The following UNC5D variants were observed in gnomAD, a reference collection of about 807,000 sequenced individuals.
UNC5D encodes the protein unc-5 netrin receptor D, also known as netrin receptor UNC5D.
UNC5D carries 39 observed loss-of-function variants against 105.4 expected under a neutral mutation model. The observed-to-expected ratio is 0.37, with a 90% CI of 0.29 to 0.48. The LOEUF is 0.48. UNC5D is among the 20% of genes least tolerant of loss of function. UNC5D has a pLI of 0.98. For missense variants in UNC5D, 991 were observed against 1,202.4 expected (o/e 0.82, Z 2.60); for synonymous variants, 452 against 450.4 (o/e 1.00, Z -0.04).
intron 1 of UNC5D, among the ~76,000 whole-genome samples, chr8:35,285,865 A>C (rs1054619033): frequency 6.6e-6 from 1 of 152,330 alleles, no homozygotes; most frequent in Non-Finnish European, 1.5e-5. Context: ...TGGACTTTGT[A>C]GTCGAGTGAG....
chr8:35,413,292 T>TGTGTGTG (rs56157732), intron 1 of UNC5D, among the ~76,000 whole-genome samples: 63 of 128,042 alleles, frequency 4.9e-4, no homozygotes, highest in African/African-American at 1.7e-3. Context: ...TGTGTGTGTG[T>TGTGTGTG]TGTGTGTGTG....
At chr8:35,628,745 T>C (rs1372006394) in intron 4 of UNC5D, among the ~76,000 whole-genome samples, 1 of 152,176 alleles carries the variant, frequency 6.6e-6, no homozygotes, top group Non-Finnish European at 1.5e-5. Flanking sequence ...CTTGTTAGCA[T>C]AGACACTCTG....
chr8:35,638,577 T>C (rs1355040230), intron 4 of UNC5D, among the ~76,000 whole-genome samples: 1 of 152,002 alleles, frequency 6.6e-6, no homozygotes, highest in Non-Finnish European at 1.5e-5. Context: ...GGAGGAATGC[T>C]TGAGGCCAGG....
At chr8:35,772,598 C>T (rs1290901681) in intron 15 of UNC5D, among the ~76,000 whole-genome samples, 3 of 152,144 alleles carry the variant, frequency 2.0e-5, no homozygotes, top group Non-Finnish European at 4.4e-5. Context: ...AGACAAAGGA[C>T]AGCTTCTTGG....
chr8:35,568,010 A>G, intron 2 of UNC5D, 88 bp from the exon 3 acceptor site: 2 of 1,535,590 alleles, frequency 1.3e-6, no homozygotes, highest in Admixed American at 2.1e-5. Flanking sequence ...TTGTTTAATT[A>G]AAAAGAAAAG....
intron 7 of UNC5D, among the ~76,000 whole-genome samples, chr8:35,687,637 G>A (rs1212715223): frequency 6.6e-6 from 1 of 152,002 alleles, no homozygotes; most frequent in Non-Finnish European, 1.5e-5. Context: ...AGGCATGGGA[G>A]GGTCAACTAG....
intron 1 of UNC5D, among the ~76,000 whole-genome samples, chr8:35,453,221 C>T (rs1022115576): frequency 4.6e-5 from 7 of 151,988 alleles, no homozygotes; most frequent in African/African-American, 1.5e-4. Context: ...TTTCTAGGAC[C>T]GAGAATAGTG....
intron 8 of UNC5D, 26 bp downstream of exon 8, chr8:35,705,987 A>C: frequency 7.7e-7 from 1 of 1,292,308 alleles, no homozygotes; most frequent in Non-Finnish European, 1.1e-6. Flanking sequence ...TCTTGTGAAT[A>C]TAATTTATTC....
At chr8:35,713,702 G>A (rs1382676738) in intron 8 of UNC5D, among the ~76,000 whole-genome samples, 3 of 152,064 alleles carry the variant, frequency 2.0e-5, no homozygotes, top group Non-Finnish European at 4.4e-5. Flanking sequence ...TAAAATAGAC[G>A]ACCTTTGTTG....
At chr8:35,625,580 T>C (rs531919432) in intron 4 of UNC5D, among the ~76,000 whole-genome samples, 27 of 152,346 alleles carry the variant, frequency 1.8e-4, no homozygotes, top group African/African-American at 6.3e-4. Flanking sequence ...TGCTATATTG[T>C]AATAAAACAA....
intron 1 of UNC5D, among the ~76,000 whole-genome samples, chr8:35,382,395 A>G (rs1167900011): frequency 1.3e-5 from 2 of 152,190 alleles, no homozygotes; most frequent in East Asian, 3.8e-4. Flanking sequence ...GAATTGCCTC[A>G]AGTCATTTTT....
chr8:35,271,679 A>ATATGTATACATGTATACATATG, intron 1 of UNC5D, among the ~76,000 whole-genome samples: 2 of 35,086 alleles, frequency 5.7e-5, no homozygotes, highest in East Asian at 0.014. Flanking sequence ...GTATACATAT[A>ATATGTATACATGTATACATATG]TATGTATACA....
chr8:35,727,502 A>G (rs758044653), intron 10 of UNC5D: 9 of 152,186 alleles, frequency 5.9e-5, no homozygotes, highest in Non-Finnish European at 8.8e-5. Context: ...GTCTGATTCT[A>G]CCATTCTAGC....
At chr8:35,384,248 T>G (rs1439823937) in intron 1 of UNC5D, among the ~76,000 whole-genome samples, 1 of 151,912 alleles carries the variant, frequency 6.6e-6, no homozygotes, top group Non-Finnish European at 1.5e-5. Flanking sequence ...AAACTAACAT[T>G]TAAAATAATA....
At chr8:35,695,852 A>T (rs1035957376) in intron 7 of UNC5D, among the ~76,000 whole-genome samples, 2 of 151,880 alleles carry the variant, frequency 1.3e-5, no homozygotes, top group African/African-American at 4.8e-5. Flanking sequence ...ATCCTGTCTC[A>T]GCCTCCCGAG....
At chr8:35,409,927 C>T (rs547458117) in intron 1 of UNC5D, among the ~76,000 whole-genome samples, 19 of 146,648 alleles carry the variant, frequency 1.3e-4, no homozygotes, top group African/African-American at 4.5e-4. Context: ...AATCTTAGCT[C>T]TTTTTTTTTT....
intron 1 of UNC5D, among the ~76,000 whole-genome samples, chr8:35,323,263 A>G (rs577543366): frequency 6.7e-6 from 1 of 149,664 alleles, no homozygotes; most frequent in South Asian, 2.1e-4. Context: ...ACCTGGGACC[A>G]TATAAAAGTA....
At chr8:35,305,595 T>TTCTTTCTTTCTTTCTTTC (rs1808309999) in intron 1 of UNC5D, among the ~76,000 whole-genome samples, 1 of 129,698 alleles carries the variant, frequency 7.7e-6, no homozygotes, top group Non-Finnish European at 1.7e-5. Flanking sequence ...CTTTCTTTCT[T>TTCTTTCTTTCTTTCTTTC]TCTTTCTTTC....
intron 4 of UNC5D, among the ~76,000 whole-genome samples, chr8:35,677,895 TG>T (rs1825367257): frequency 6.6e-6 from 1 of 151,022 alleles, no homozygotes; most frequent in African/African-American, 2.4e-5. Context: ...AGTGTCTGTG[TG>T]TGTGTGTGTG....
Sources: gnomAD v4.1 joint callset for allele counts (sites outside exome capture counted in the v4.1 genomes callset) on GRCh38, gnomAD v4.1.1 for gene constraint, MANE v1.5 for transcripts, NCBI Gene and HGNC (gene_info 2026-07-23, HGNC 2026-07-21) for gene names.